The following EIPR1 variants were observed in gnomAD, a reference collection of about 807,000 sequenced individuals.
The protein encoded by EIPR1 is EARP complex and GARP complex interacting protein 1, also known as EARP and GARP complex-interacting protein 1.
A neutral mutation model predicts 48.1 loss-of-function variants in EIPR1; 25 were observed. The ratio of observed to expected loss-of-function variants is 0.52; its 90% CI spans 0.38 to 0.73. The LOEUF is 0.73. EIPR1 is among the 30% of genes least tolerant of loss of function. The probability of loss-of-function intolerance (pLI) is 0.00; values close to 1 mark genes in which losing one functional copy is unlikely to be tolerated. For synonymous variants in EIPR1, 204 were observed against 201.9 expected (o/e 1.01, Z -0.09); for missense variants, 415 against 506.2 (o/e 0.82, Z 1.73).
intron 2 of EIPR1, among the ~76,000 whole-genome samples, chr2:3,351,286 C>A (rs1670571849): frequency 6.6e-6 from 1 of 152,210 alleles, no homozygotes; most frequent in Non-Finnish European, 1.5e-5. Context: ...CATGCGTGAG[C>A]GACCACACCT....
intron 4 of EIPR1, among the ~76,000 whole-genome samples, chr2:3,219,063 A>G (rs111346023): frequency 2.7e-5 from 4 of 147,504 alleles, no homozygotes; most frequent in Admixed American, 6.7e-5. Flanking sequence ...TGCACACCCA[A>G]CACGGCCCTG....
At chr2:3,346,756 C>T (rs56249001) in intron 2 of EIPR1, among the ~76,000 whole-genome samples, 30,873 of 152,106 alleles carry the variant, frequency 0.2, 4,458 homozygotes, top group African/African-American at 0.39. Context: ...ACAGAAAAGA[C>T]GATAGAAGCT....
At position 3,214,264 on chromosome 2, in the gene EIPR1, G is replaced by T; in HGVS notation, c.417-16C>A. 6.2e-7 allele frequency: 1 copy of T among 1,608,846 alleles called. No homozygotes were observed. The highest frequency in any genetic ancestry group is 8.5e-7 in the Non-Finnish European group (1 of 1,176,798). Reference sequence around the variant, plus strand: ...CCACACGACACTAAGAGAAAGAGAAGTACCAAATGTTAACATAAACATTTG... The same window carrying T: ...CCACACGACACTAAGAGAAAGAGAATTACCAAATGTTAACATAAACATTTG... On this transcript the variant is annotated splice_polypyrimidine_tract_variant and intron_variant, in intron 4 of 8. Transcript: ENST00000382125.
At chr2:3,231,732 G>A (rs1371305236) in intron 4 of EIPR1, among the ~76,000 whole-genome samples, 1 of 152,136 alleles carries the variant, frequency 6.6e-6, no homozygotes, top group African/African-American at 2.4e-5. Flanking sequence ...GCTGTATTTG[G>A]TTTACTAATA....
chr2:3,283,060 C>T (rs1572393726), intron 3 of EIPR1, among the ~76,000 whole-genome samples: 1 of 152,216 alleles, frequency 6.6e-6, no homozygotes, highest in African/African-American at 2.4e-5. Flanking sequence ...TTCAGTGCCC[C>T]CCAACCCAAT....
chr2:3,354,085 G>A (rs1670659377), intron 2 of EIPR1, among the ~76,000 whole-genome samples: 1 of 152,214 alleles, frequency 6.6e-6, no homozygotes. Flanking sequence ...ACAGTGACCA[G>A]AACACCAAAG....
chr2:3,338,380 TA>T (rs1670131030), intron 2 of EIPR1, among the ~76,000 whole-genome samples: 1 of 152,198 alleles, frequency 6.6e-6, no homozygotes, highest in Non-Finnish European at 1.5e-5. Flanking sequence ...GCAAGCTACG[TA>T]AGACTGCCAT....
At position 3,261,105 on chromosome 2, in the gene EIPR1, G is replaced by A. The variant is rs530550349; in HGVS notation, c.260-3650C>T. On this transcript the variant is annotated intron_variant, in intron 3 of 8. Coordinates refer to ENST00000382125, the MANE Select transcript of EIPR1 (RefSeq NM_003310.5). ...AACCCAGCCCCAAGTAAATGTGGTC[G>A]GGTGACGGTATGTAACTGCCAGAAG... Among the ~76,000 whole-genome samples the A allele has an allele frequency of 2.0e-5, 3 of 152,228 alleles. No homozygotes were observed. The East Asian group carries it at 5.8e-4, about 29-fold the overall frequency.
At chr2:3,377,150 A>G (rs1659910342) in intron 1 of EIPR1, among the ~76,000 whole-genome samples, 1 of 152,258 alleles carries the variant, frequency 6.6e-6, no homozygotes, top group African/African-American at 2.4e-5. Flanking sequence ...TTAGTGTACC[A>G]ATGTTAATTT....
chr2:3,357,017 ACTTCACTG>A (rs1670745600), intron 1 of EIPR1, among the ~76,000 whole-genome samples: 1 of 152,178 alleles, frequency 6.6e-6, no homozygotes, highest in Non-Finnish European at 1.5e-5. Context: ...TAACTTTGTA[ACTTCACTG>A]TAGCCTCTGA....
rs1350597512 is a variant in EIPR1, at chr2:3,286,230, TA to T, written c.260-28776del. Among the ~76,000 whole-genome samples the T allele has an allele frequency of 2.0e-5, 3 of 151,412 alleles. No individual in the cohort carries two copies. The highest frequency in any genetic ancestry group is 7.3e-5 in the African/African-American group (3 of 41,220). ...GCACAAAAGGTTGTTTTTATGCTAA[TA>T]AAAAAAAATAGGTTGGCCTCATTTA... is the stretch of plus-strand genomic sequence containing the variant. On this transcript the variant is annotated intron_variant, in intron 3 of 8. Transcript: ENST00000382125. This position sits in a 1 kb window ranked among gnomAD's most constrained non-coding sequence, Gnocchi z 4.2.
chr2:3,280,939 G>A (rs764577388), intron 3 of EIPR1, among the ~76,000 whole-genome samples: 1 of 152,164 alleles, frequency 6.6e-6, no homozygotes. Flanking sequence ...GCTGCTGGAC[G>A]CTCTTCCTCC....
intron 4 of EIPR1, among the ~76,000 whole-genome samples, chr2:3,232,432 C>T (rs1666271736): frequency 6.6e-6 from 1 of 152,112 alleles, no homozygotes; most frequent in Non-Finnish European, 1.5e-5. Context: ...TTCATGTAGG[C>T]ATTTATTGCT....
Position 3,359,752 on chromosome 2 carries a change from G to T in EIPR1, c.43-5119C>A, listed in dbSNP as rs375401349. Among the ~76,000 whole-genome samples the T allele has an allele frequency of 1.4e-3, 215 of 152,258 alleles. 1 individual carries two copies. Among genetic ancestry groups the T allele is most frequent in the African/African-American group, 5.2e-3 (215 of 41,544 alleles). ...TCTAGTCAGAATGATCGTTTTACAG[G>T]TGTTCCAATGACCTTATTACAAAAG... On this transcript the variant is annotated intron_variant, in intron 1 of 8. Transcript: ENST00000382125.
At chr2:3,233,578 A>G (rs1435363090) in intron 4 of EIPR1, among the ~76,000 whole-genome samples, 1 of 152,144 alleles carries the variant, frequency 6.6e-6, no homozygotes, top group Non-Finnish European at 1.5e-5. Context: ...CCCCAAGCCA[A>G]CCTCACAGGG....
At chr2:3,221,843 C>T (rs1168487418) in intron 4 of EIPR1, among the ~76,000 whole-genome samples, 2 of 152,214 alleles carry the variant, frequency 1.3e-5, no homozygotes, top group Non-Finnish European at 2.9e-5. Flanking sequence ...CCGAGATACA[C>T]TCTAGAGCAT....
chr2:3,328,171 C>T (rs1005604898), intron 3 of EIPR1, among the ~76,000 whole-genome samples: 3 of 152,196 alleles, frequency 2.0e-5, no homozygotes, highest in African/African-American at 4.8e-5. Flanking sequence ...TCCAAACATC[C>T]GTGCTCACAC....
intron 3 of EIPR1, among the ~76,000 whole-genome samples, chr2:3,295,665 A>C (rs1276898138): frequency 2.1e-4 from 15 of 73,112 alleles, no homozygotes; most frequent in East Asian, 4.5e-4. Context: ...CGTCCTCTCT[A>C]CTCACACACA....
At chr2:3,295,270 ACACACCCTCCATCCAGCCCGTCCTCTCTC>A (rs1668520545) in intron 3 of EIPR1, among the ~76,000 whole-genome samples, 2 of 130,338 alleles carry the variant, frequency 1.5e-5, no homozygotes, top group Non-Finnish European at 3.2e-5. Context: ...CTCTCTCCAC[ACACACCCTCCATCCAGCCCGTCCTCTCTC>A]CACACACACC....
Sources: allele counts gnomAD v4.1 joint callset (sites outside exome capture counted in the v4.1 genomes callset), GRCh38; gene constraint gnomAD v4.1.1; non-coding constraint Gnocchi (gnomAD v3.1); transcripts MANE v1.5; gene names NCBI Gene and HGNC (gene_info 2026-07-23, HGNC 2026-07-21).